The following VIPR2 variants were observed in gnomAD, a reference collection of about 807,000 sequenced individuals.
VIPR2 encodes the protein vasoactive intestinal peptide receptor 2, also known as vasoactive intestinal polypeptide receptor 2.
Under a neutral mutation model 58.0 loss-of-function variants are expected in VIPR2, and 48 were observed. The ratio of observed to expected loss-of-function variants is 0.83; its 90% CI spans 0.66 to 1.05. VIPR2 has a LOEUF of 1.05. Ranked by LOEUF, VIPR2 falls within the 50% of genes least tolerant of loss-of-function variation. The probability of loss-of-function intolerance (pLI) is 0.00; values close to 1 mark genes in which losing one functional copy is unlikely to be tolerated. For synonymous variants in VIPR2, 243 were observed against 235.2 expected (o/e 1.03, Z -0.30); for missense variants, 534 against 558.0 (o/e 0.96, Z 0.43).
chr7:159,030,342 CAAAAAAAAA>C lies in VIPR2; in HGVS notation c.*265_*273del. The C allele has an allele frequency of 1.0e-5, 2 of 196,880 alleles. No individual in the cohort carries two copies. Among genetic ancestry groups the C allele is most frequent in the South Asian group, 2.6e-4 (1 of 3,884 alleles). The allele number at this position is 196,880 out of a possible 1,614,324, so 12.2% of individuals were successfully genotyped here. ...TGGGCGACAGAGCGAGACTCCGTCT[CAAAAAAAAA>C]AAAAAAAAAAAAAGTGGATCCACTA... On this transcript the variant is annotated 3_prime_UTR_variant, in exon 13 of 13. Transcript: ENST00000262178.
chr7:159,103,716 G>A (rs764847811), intron 4 of VIPR2, 41 bp downstream of exon 4: 1 of 1,496,842 alleles, frequency 6.7e-7, no homozygotes, highest in Non-Finnish European at 9.3e-7. Context: ...GCAGTGTTAG[G>A]AAGTGGAACC....
At chr7:159,034,873 C>T (rs530169926) in intron 8 of VIPR2, among the ~76,000 whole-genome samples, 7 of 152,240 alleles carry the variant, frequency 4.6e-5, no homozygotes, top group South Asian at 2.1e-4. Context: ...AATGGAGGTG[C>T]GGCCCCAGAA....
chr7:159,114,744 A>G (rs2129496524), intron 2 of VIPR2, among the ~76,000 whole-genome samples: 1 of 150,964 alleles, frequency 6.6e-6, no homozygotes, highest in South Asian at 2.1e-4. Context: ...AGCTTGAGTC[A>G]AGCCCGGGTG....
chr7:159,079,327 C>T (rs1856793441), intron 4 of VIPR2, among the ~76,000 whole-genome samples: 1 of 152,094 alleles, frequency 6.6e-6, no homozygotes, highest in Non-Finnish European at 1.5e-5. Context: ...CACTCAAAAC[C>T]ACTCAACTAC....
In VIPR2 at chr7:159,137,325, T is replaced by A. The variant is rs561181118; in HGVS notation, c.151+5121A>T. Among the ~76,000 whole-genome samples the A allele has an allele frequency of 2.0e-5, 3 of 152,202 alleles. No individual in the cohort carries two copies. The East Asian group carries it at 5.8e-4, about 29-fold the overall frequency. ...TTAAGCATTTTATTCAGGGTAAAAA[T>A]TAATTCAGTGAGATTTGTTTCCTAT... On this transcript the variant is annotated intron_variant, in intron 2 of 12. Transcript: ENST00000262178.
chr7:159,099,585 A>C lies in VIPR2; in HGVS notation c.357+4172T>G, dbSNP rs1360192755. ...GCTTATTGAATAAAGGAAGGAGAGAATGAACGACGGAGCCTGCACATACGG... is the reference window on the plus strand; with the variant it reads ...GCTTATTGAATAAAGGAAGGAGAGACTGAACGACGGAGCCTGCACATACGG... On this transcript the variant is annotated intron_variant, in intron 4 of 12. Transcript: ENST00000262178. This position sits in a 1 kb window ranked among gnomAD's most constrained non-coding sequence, Gnocchi z 4.2. Among the ~76,000 whole-genome samples the C allele has an allele frequency of 2.0e-5, 3 of 152,158 alleles. No homozygotes were observed. Among genetic ancestry groups the C allele is most frequent in the Non-Finnish European group, 4.4e-5 (3 of 68,020 alleles).
chr7:159,037,620 CAA>C (rs753320733), intron 6 of VIPR2, among the ~76,000 whole-genome samples: 12 of 152,158 alleles, frequency 7.9e-5, no homozygotes, highest in Admixed American at 5.2e-4. Context: ...AAGGGGAAAA[CAA>C]GAGAAATCTA....
At chr7:159,044,948 TAG>T (rs1854557558) in intron 5 of VIPR2, among the ~76,000 whole-genome samples, 1 of 152,110 alleles carries the variant, frequency 6.6e-6, no homozygotes, top group South Asian at 2.1e-4. Flanking sequence ...GTACTTTTAG[TAG>T]AGATGGGGTG....
intron 4 of VIPR2, among the ~76,000 whole-genome samples, chr7:159,065,223 G>C (rs1221672642): frequency 6.6e-6 from 1 of 152,186 alleles, no homozygotes; most frequent in African/African-American, 2.4e-5. Flanking sequence ...TCAACCCCTG[G>C]ATTTAGAAAG....
At chr7:159,077,098 T>C (rs1313613110) in intron 4 of VIPR2, among the ~76,000 whole-genome samples, 1 of 152,238 alleles carries the variant, frequency 6.6e-6, no homozygotes. Flanking sequence ...ACCACTATCC[T>C]TGATGCAGTT....
chr7:159,135,004 G>GTTTTTTGTTTTTTTTTTTTTTT (rs1416758329), intron 2 of VIPR2, among the ~76,000 whole-genome samples: 3 of 65,976 alleles, frequency 4.5e-5, no homozygotes, highest in African/African-American at 1.3e-4. Flanking sequence ...AATTACAAAA[G>GTTTTTTGTTTTTTTTTTTTTTT]TTTTTTTTTT....
At chr7:159,105,304 C>T (rs75701473) in intron 3 of VIPR2, among the ~76,000 whole-genome samples, 2,145 of 152,208 alleles carry the variant, frequency 0.014, 23 homozygotes, top group East Asian at 0.016. Context: ...ACAGCCAGAG[C>T]GGAGCCCCTG....
rs879764346 is a variant in VIPR2 at position 159,113,329 on chromosome 7, CCT to C, written c.152-3412_152-3411del. 8.5e-5 allele frequency among the ~76,000 whole-genome samples: 13 copies of C among 152,314 alleles called. No homozygotes were observed. In the South Asian group the frequency reaches 1.7e-3, roughly 19 times the overall value. ...ACTCTGACCACCCGTGCATGCAGCC[CCT>C]GTCACATACCCCCTGGCTTGCTCAA... On this transcript the variant is annotated intron_variant, in intron 2 of 12. Coordinates refer to ENST00000262178, the MANE Select transcript of VIPR2 (RefSeq NM_003382.5).
At chr7:159,135,004 G>GTTTTTTTTGTTT (rs1797146302) in intron 2 of VIPR2, among the ~76,000 whole-genome samples, 1 of 65,992 alleles carries the variant, frequency 1.5e-5, no homozygotes, top group Non-Finnish European at 2.8e-5. Context: ...AATTACAAAA[G>GTTTTTTTTGTTT]TTTTTTTTTT....
intron 2 of VIPR2, among the ~76,000 whole-genome samples, chr7:159,139,799 G>T (rs1409570919): frequency 6.6e-6 from 1 of 152,246 alleles, no homozygotes; most frequent in Non-Finnish European, 1.5e-5. Context: ...TCACACGAAA[G>T]TTCCTATCCA....
rs1016929176 is a variant in VIPR2 at position 159,072,134 on chromosome 7, C to A, written c.358-13556G>T. Among the ~76,000 whole-genome samples, 60 of 148,750 alleles carry A rather than the reference C, an allele frequency of 4.0e-4. 1 individual carries two copies. The highest frequency in any genetic ancestry group is 1.3e-3 in the African/African-American group (51 of 39,026). On this transcript the variant is annotated intron_variant, in intron 4 of 12. Coordinates refer to ENST00000262178, the MANE Select transcript of VIPR2 (RefSeq NM_003382.5). ...TGGTACCGGCAGGTAAGAAAACATA[C>A]ATCACTAGACTGGCAACAAAAATAA...
intron 4 of VIPR2, among the ~76,000 whole-genome samples, chr7:159,102,239 G>A (rs57991205): frequency 1.3e-5 from 2 of 151,946 alleles, no homozygotes; most frequent in Non-Finnish European, 2.9e-5. Context: ...AGGCGGTTCC[G>A]ACTGTTCCTG....
chr7:159,060,155 C>G (rs1380363873), intron 4 of VIPR2, among the ~76,000 whole-genome samples: 2 of 150,798 alleles, frequency 1.3e-5, no homozygotes, highest in African/African-American at 4.9e-5. Flanking sequence ...CTCACCTAAT[C>G]ACCACCTTCA....
At chr7:159,065,301 G>A (rs1054024283) in intron 4 of VIPR2, among the ~76,000 whole-genome samples, 1 of 152,148 alleles carries the variant, frequency 6.6e-6, no homozygotes, top group African/African-American at 2.4e-5. Context: ...CCCTGCAGTG[G>A]CTGCTACAGG....
Sources: gnomAD v4.1 joint callset for allele counts (sites outside exome capture counted in the v4.1 genomes callset) on GRCh38, gnomAD v4.1.1 for gene constraint, Gnocchi (gnomAD v3.1) non-coding constraint, MANE v1.5 for transcripts, NCBI Gene and HGNC (gene_info 2026-07-23, HGNC 2026-07-21) for gene names.